Variants in HACL2 observed in about 807,000 individuals in gnomAD.
HACL2 encodes 2-hydroxyacyl-CoA lyase 1 like.
At chr19:15,119,396 G>A in the HACL2 span, 3 of 1,613,752 alleles carry the variant, frequency 1.9e-6, no homozygotes, top group Non-Finnish European at 2.5e-6. Context: ...GTGAAAACAA[G>A]GGCAGGGCTG....
the HACL2 span, chr19:15,122,998 C>A: frequency 6.2e-7 from 1 of 1,603,454 alleles, no homozygotes; most frequent in Non-Finnish European, 8.5e-7. This position sits in a 1 kb window ranked among gnomAD's most constrained non-coding sequence, Gnocchi z 4.0. Context: ...GGAAAAGGGA[C>A]AGCTGATCAA....
At chr19:15,115,864 A>AT in the HACL2 span, 1 of 1,614,138 alleles carries the variant, frequency 6.2e-7, no homozygotes, top group Non-Finnish European at 8.5e-7. Context: ...TGTCTGACGA[A>AT]TGTATCAAAT....
chr19:15,119,633 C>T, the HACL2 span: 2 of 848,396 alleles, frequency 2.4e-6, no homozygotes, highest in African/African-American at 3.4e-5. Flanking sequence ...TCACTGCAGC[C>T]TCCACCTCCC....
chr19:15,123,824 T>G, the HACL2 span: 252,500 of 554,616 alleles, frequency 0.46, 59,302 homozygotes, highest in East Asian at 0.65. This position sits in a 1 kb window ranked among gnomAD's most constrained non-coding sequence, Gnocchi z 5.1. Flanking sequence ...CAAGTAAGAC[T>G]GAAAGTTCAA....
the HACL2 span, among the ~76,000 whole-genome samples, chr19:15,120,581 G>A: frequency 1.3e-5 from 2 of 152,206 alleles, no homozygotes; most frequent in African/African-American, 2.4e-5. Context: ...TGCTCACTGG[G>A]CCCCAGGGCC....
chr19:15,124,970 C>A, the HACL2 span: 1 of 1,607,638 alleles, frequency 6.2e-7, no homozygotes, highest in Non-Finnish European at 8.5e-7. Context: ...GAGCGGCGCC[C>A]AGCAAGGCGG....
chr19:15,116,460 C>A, the HACL2 span: 1 of 1,613,974 alleles, frequency 6.2e-7, no homozygotes, highest in South Asian at 1.1e-5. Flanking sequence ...TCCACCCAGT[C>A]TGGGGCCCAG....
the HACL2 span, among the ~76,000 whole-genome samples, chr19:15,122,349 G>C: frequency 1.3e-5 from 2 of 152,110 alleles, no homozygotes; most frequent in Non-Finnish European, 2.9e-5. The surrounding 1 kb of genome is among the most constrained non-coding windows in gnomAD (Gnocchi z 4.0). Flanking sequence ...AGGACGATGG[G>C]AAAGGTGGTG....
the HACL2 span, chr19:15,116,312 T>C: frequency 7.4e-6 from 12 of 1,613,968 alleles, no homozygotes; most frequent in Non-Finnish European, 9.3e-6. Context: ...CAGGCATCGC[T>C]GCCTTCTCCC....
At chr19:15,120,277 C>A in the HACL2 span, among the ~76,000 whole-genome samples, 1 of 152,140 alleles carries the variant, frequency 6.6e-6, no homozygotes, top group Non-Finnish European at 1.5e-5. Flanking sequence ...TCGGTAGCCT[C>A]TGGGGTCCAC....
At chr19:15,120,023 C>T in the HACL2 span, 9 of 1,550,752 alleles carry the variant, frequency 5.8e-6, no homozygotes, top group African/African-American at 9.6e-5. Flanking sequence ...GGCAGCGGTC[C>T]CTCGGGCTGA....
the HACL2 span, chr19:15,122,850 C>A: frequency 1.2e-6 from 2 of 1,613,342 alleles, no homozygotes; most frequent in Non-Finnish European, 1.7e-6. This position sits in a 1 kb window ranked among gnomAD's most constrained non-coding sequence, Gnocchi z 4.0. Flanking sequence ...GTCCCCAGCC[C>A]CTCGGCCCCA....
At chr19:15,117,832 G>A in the HACL2 span, 1 of 1,605,608 alleles carries the variant, frequency 6.2e-7, no homozygotes, top group Non-Finnish European at 8.5e-7. Context: ...ACCAGGAGGA[G>A]AGGGACTGGG....
chr19:15,123,025 C>A, the HACL2 span: 3 of 1,604,940 alleles, frequency 1.9e-6, no homozygotes, highest in Non-Finnish European at 2.5e-6. The surrounding 1 kb of genome is among the most constrained non-coding windows in gnomAD (Gnocchi z 5.1). Flanking sequence ...GGAGCGCACC[C>A]CGGTTCTGGC....
chr19:15,116,476 G>T, the HACL2 span: 1 of 1,613,844 alleles, frequency 6.2e-7, no homozygotes, highest in East Asian at 2.2e-5. Flanking sequence ...CCCAGGTCTG[G>T]CCCTGAAGGC....
the HACL2 span, chr19:15,116,631 C>A: frequency 3.6e-6 from 3 of 836,422 alleles, no homozygotes; most frequent in Non-Finnish European, 5.7e-6. Flanking sequence ...AGCAGGCAGA[C>A]GGGAAGCAGG....
the HACL2 span, chr19:15,119,563 T>A: frequency 6.6e-7 from 1 of 1,512,354 alleles, no homozygotes; most frequent in East Asian, 2.3e-5. Flanking sequence ...ATTTATTTAT[T>A]TTTTTGAGAC....
the HACL2 span, chr19:15,122,605 T>C: frequency 2.7e-6 from 3 of 1,108,230 alleles, no homozygotes; most frequent in Non-Finnish European, 4.1e-6. The surrounding 1 kb of genome is among the most constrained non-coding windows in gnomAD (Gnocchi z 4.0). Flanking sequence ...CCAGTCCACA[T>C]GTGAATCAAA....
chr19:15,115,815 C>G, the HACL2 span: 2 of 1,608,136 alleles, frequency 1.2e-6, no homozygotes, highest in Non-Finnish European at 1.7e-6. Flanking sequence ...CCCAGAACCC[C>G]AGGCCCTAAG....
Sources: gnomAD v4.1 joint callset for allele counts (sites outside exome capture counted in the v4.1 genomes callset) on GRCh38, gnomAD v4.1.1 for gene constraint, Gnocchi (gnomAD v3.1) non-coding constraint, MANE v1.5 for transcripts, NCBI Gene and HGNC (gene_info 2026-07-23, HGNC 2026-07-21) for gene names.